Variants in MMP16 observed in about 807,000 individuals in gnomAD.
The protein encoded by MMP16 is matrix metalloproteinase-16.
Under a neutral mutation model 67.8 loss-of-function variants are expected in MMP16, and 12 were observed. The ratio of observed to expected loss-of-function variants is 0.18; its 90% CI spans 0.11 to 0.29. The LOEUF (loss-of-function observed/expected upper bound fraction) is 0.29, where lower values mean the gene tolerates loss of function less well. MMP16 is among the 10% of genes least tolerant of loss of function. The probability of loss-of-function intolerance (pLI) is 1.00; values close to 1 mark genes in which losing one functional copy is unlikely to be tolerated. For synonymous variants in MMP16, 249 were observed against 255.9 expected, an observed-to-expected ratio of 0.97 and a Z score of 0.26; for missense variants, 475 against 765.7, an observed-to-expected ratio of 0.62 and a Z score of 4.48.
At chr8:88,175,067 G>A (rs1808865526) in intron 3 of MMP16, among the ~76,000 whole-genome samples, 2 of 152,012 alleles carry the variant, frequency 1.3e-5, no homozygotes, top group South Asian at 4.1e-4. Flanking sequence ...ACTGCTTTTT[G>A]AGAGGAGGAC....
At chr8:88,323,654 G>C (rs977054997) in intron 1 of MMP16, among the ~76,000 whole-genome samples, 1 of 151,810 alleles carries the variant, frequency 6.6e-6, no homozygotes, top group African/African-American at 2.4e-5. Flanking sequence ...CTATTGTTTA[G>C]AAATTGATAA....
intron 1 of MMP16, among the ~76,000 whole-genome samples, chr8:88,301,878 A>T (rs1338107952): frequency 6.6e-6 from 1 of 152,230 alleles, no homozygotes; most frequent in African/African-American, 2.4e-5. Flanking sequence ...AAATGGCTAA[A>T]ACTTTTTACT....
intron 1 of MMP16, among the ~76,000 whole-genome samples, chr8:88,214,865 G>A (rs1481752757): frequency 6.6e-6 from 1 of 152,150 alleles, no homozygotes; most frequent in Non-Finnish European, 1.5e-5. Flanking sequence ...TTTACTGCCA[G>A]TGTGATAATC....
At chr8:88,286,301 C>T (rs1563584403) in intron 1 of MMP16, among the ~76,000 whole-genome samples, 1 of 152,132 alleles carries the variant, frequency 6.6e-6, no homozygotes, top group Non-Finnish European at 1.5e-5. Context: ...TCATAGTATA[C>T]TTTTTCCTTT....
intron 1 of MMP16, among the ~76,000 whole-genome samples, chr8:88,239,482 T>C (rs568264025): frequency 5.3e-5 from 8 of 152,072 alleles, no homozygotes; most frequent in African/African-American, 1.7e-4. Flanking sequence ...CAAACCATTA[T>C]CTTGGCATCT....
intron 1 of MMP16, among the ~76,000 whole-genome samples, chr8:88,312,518 A>C (rs1176646470): frequency 6.6e-6 from 1 of 151,990 alleles, no homozygotes. Flanking sequence ...CAATTTGATA[A>C]GTTTTGACAT....
chr8:88,296,972 T>C (rs1039981581), intron 1 of MMP16, among the ~76,000 whole-genome samples: 3 of 151,582 alleles, frequency 2.0e-5, no homozygotes, highest in Non-Finnish European at 4.4e-5. Flanking sequence ...AAATTCAAAA[T>C]AACTTAGTGC....
chr8:88,121,701 A>C (rs1807834854), intron 4 of MMP16, among the ~76,000 whole-genome samples: 2 of 152,036 alleles, frequency 1.3e-5, no homozygotes, highest in African/African-American at 4.8e-5. Context: ...TTCTTTTGCA[A>C]GATTTTGAGT....
At chr8:88,238,953 G>A (rs576316549) in intron 1 of MMP16, among the ~76,000 whole-genome samples, 42 of 152,054 alleles carry the variant, frequency 2.8e-4, no homozygotes, top group African/African-American at 9.6e-4. Flanking sequence ...GGCAAAACCC[G>A]CCTCTACTAA....
chr8:88,310,995 C>G (rs1192308617), intron 1 of MMP16, among the ~76,000 whole-genome samples: 3 of 152,046 alleles, frequency 2.0e-5, no homozygotes, highest in African/African-American at 7.2e-5. Flanking sequence ...GTCCCTTAGT[C>G]TTGCATACAG....
At chr8:88,270,927 T>C (rs1810553795) in intron 1 of MMP16, among the ~76,000 whole-genome samples, 1 of 152,238 alleles carries the variant, frequency 6.6e-6, no homozygotes, top group Admixed American at 6.5e-5. Flanking sequence ...GAAAATATCA[T>C]GAGTATATCT....
intron 1 of MMP16, among the ~76,000 whole-genome samples, chr8:88,273,633 T>C (rs1330610876): frequency 1.3e-5 from 2 of 152,172 alleles, no homozygotes; most frequent in Non-Finnish European, 2.9e-5. Flanking sequence ...TGTTACAATG[T>C]TTTACAAATT....
chr8:88,223,028 G>T (rs543849116), intron 1 of MMP16, among the ~76,000 whole-genome samples: 1 of 152,114 alleles, frequency 6.6e-6, no homozygotes, highest in East Asian at 1.9e-4. Flanking sequence ...ATCAAAAAAT[G>T]GGCAAAGGAT....
At chr8:88,077,620 A>G (rs1021878582) in intron 6 of MMP16, among the ~76,000 whole-genome samples, 4 of 152,208 alleles carry the variant, frequency 2.6e-5, no homozygotes, top group Non-Finnish European at 5.9e-5. Context: ...CTATTTCCAG[A>G]AAAGGACCTT....
chr8:88,274,984 C>G (rs1241455992), intron 1 of MMP16, among the ~76,000 whole-genome samples: 1 of 151,852 alleles, frequency 6.6e-6, no homozygotes, highest in Non-Finnish European at 1.5e-5. Flanking sequence ...TGCATCATTA[C>G]CCAATTCTCT....
intron 1 of MMP16, among the ~76,000 whole-genome samples, chr8:88,266,274 C>T (rs1810475355): frequency 6.6e-6 from 1 of 152,152 alleles, no homozygotes; most frequent in African/African-American, 2.4e-5. Flanking sequence ...TCATCTGTAA[C>T]TATGTTTATA....
At chr8:88,313,146 A>T (rs1811322830) in intron 1 of MMP16, among the ~76,000 whole-genome samples, 1 of 152,212 alleles carries the variant, frequency 6.6e-6, no homozygotes, top group Non-Finnish European at 1.5e-5. Context: ...GCTAAGTAGT[A>T]TTCCATTATA....
At chr8:88,201,647 CT>C (rs1465254999) in intron 1 of MMP16, among the ~76,000 whole-genome samples, 5 of 152,198 alleles carry the variant, frequency 3.3e-5, no homozygotes, top group Admixed American at 6.6e-5. Context: ...AATTAACTGA[CT>C]TTCTCAGATG....
chr8:88,184,035 C>T (rs924623748), intron 3 of MMP16, among the ~76,000 whole-genome samples: 1 of 152,058 alleles, frequency 6.6e-6, no homozygotes, highest in Non-Finnish European at 1.5e-5. Flanking sequence ...CGCAAGCCAC[C>T]GCGCCCGGCC....
Sources: gnomAD v4.1 joint callset for allele counts (sites outside exome capture counted in the v4.1 genomes callset) on GRCh38, gnomAD v4.1.1 for gene constraint, MANE v1.5 for transcripts, NCBI Gene and HGNC (gene_info 2026-07-23, HGNC 2026-07-21) for gene names.